CNTNAP2: variants seen among roughly 807,000 people sequenced by gnomAD.
The protein encoded by CNTNAP2 is contactin associated protein 2, also known as contactin-associated protein-like 2.
In CNTNAP2, 98 loss-of-function variants were observed where a neutral mutation model predicts 155.2. The ratio of observed to expected loss-of-function variants is 0.63; its 90% CI spans 0.54 to 0.75. The LOEUF (loss-of-function observed/expected upper bound fraction) is 0.75, where lower values mean the gene tolerates loss of function less well. Among genes scored for constraint, CNTNAP2 ranks in the 30% least tolerant of loss-of-function variants. The probability of loss-of-function intolerance (pLI) is 0.00; values close to 1 mark genes in which losing one functional copy is unlikely to be tolerated. For synonymous variants in CNTNAP2, 651 were observed against 631.2 expected (o/e 1.03, Z -0.47); for missense variants, 1,727 against 1,688.1 (o/e 1.02, Z -0.40).
At chr7:147,629,003 C>T (rs58786883) in intron 12 of CNTNAP2, among the ~76,000 whole-genome samples, 13,679 of 151,848 alleles carry the variant, frequency 0.09, 1,710 homozygotes, top group African/African-American at 0.26. Context: ...GAATTATTAC[C>T]AGACCTAAGA....
At chr7:146,951,203 C>A (rs1328468472) in intron 3 of CNTNAP2, among the ~76,000 whole-genome samples, 1 of 152,088 alleles carries the variant, frequency 6.6e-6, no homozygotes, top group East Asian at 1.9e-4. Flanking sequence ...AGCCCTTTGT[C>A]AGATGGATAG....
intron 21 of CNTNAP2, among the ~76,000 whole-genome samples, chr7:148,336,141 A>G (rs995346393): frequency 2.0e-5 from 3 of 152,198 alleles, no homozygotes; most frequent in Non-Finnish European, 4.4e-5. Context: ...TTTATGCTGG[A>G]TTTGAATCCA....
At chr7:147,565,315 G>A (rs957531894) in intron 12 of CNTNAP2, among the ~76,000 whole-genome samples, 1 of 152,164 alleles carries the variant, frequency 6.6e-6, no homozygotes, top group Non-Finnish European at 1.5e-5. Flanking sequence ...GGGAAAGGTG[G>A]GTGGGGGCAG....
intron 16 of CNTNAP2, among the ~76,000 whole-genome samples, chr7:148,143,311 A>G (rs1238438160): frequency 6.6e-6 from 1 of 152,208 alleles, no homozygotes; most frequent in African/African-American, 2.4e-5. Flanking sequence ...GTTACAATAA[A>G]AATGGCTTGA....
chr7:146,502,343 G>A (rs77375834), intron 1 of CNTNAP2, among the ~76,000 whole-genome samples: 12,727 of 149,772 alleles, frequency 0.085, 1,428 homozygotes, highest in African/African-American at 0.26. Context: ...GTGCCGCAAT[G>A]AACACAGGAG....
intron 3 of CNTNAP2, among the ~76,000 whole-genome samples, chr7:147,023,175 G>A (rs992239003): frequency 1.3e-5 from 2 of 152,044 alleles, no homozygotes; most frequent in Non-Finnish European, 1.5e-5. Context: ...AGATGAACAC[G>A]GGCACGGCAA....
At chr7:148,361,748 A>G (rs1175773981) in intron 21 of CNTNAP2, among the ~76,000 whole-genome samples, 1 of 152,234 alleles carries the variant, frequency 6.6e-6, no homozygotes, top group Non-Finnish European at 1.5e-5. Context: ...AAGACTGGGT[A>G]ATTTGTAAAG....
At chr7:146,961,949 G>C (rs1450627094) in intron 3 of CNTNAP2, among the ~76,000 whole-genome samples, 1 of 152,120 alleles carries the variant, frequency 6.6e-6, no homozygotes, top group Non-Finnish European at 1.5e-5. Context: ...AGGTCATAGA[G>C]AGACTTAGGC....
intron 1 of CNTNAP2, among the ~76,000 whole-genome samples, chr7:146,459,742 A>T (rs1004807004): frequency 9.9e-5 from 15 of 152,172 alleles, no homozygotes; most frequent in Non-Finnish European, 7.4e-5. Context: ...AGGCGGAGGC[A>T]GATGAATTGC....
chr7:148,331,594 A>ATGGACGGATGGAGTGGACGGATGGAG (rs1798014983), intron 21 of CNTNAP2, among the ~76,000 whole-genome samples: 1 of 10,684 alleles, frequency 9.4e-5, no homozygotes, highest in African/African-American at 4.4e-4. Flanking sequence ...GATGGATGGA[A>ATGGACGGATGGAGTGGACGGATGGAG]TGGATGGATG....
chr7:146,792,436 A>G (rs1221289302), intron 2 of CNTNAP2, among the ~76,000 whole-genome samples: 1 of 152,224 alleles, frequency 6.6e-6, no homozygotes, highest in Non-Finnish European at 1.5e-5. Context: ...CAAGATACCA[A>G]CATTGATCCC....
At chr7:146,755,954 A>C (rs1801988093) in intron 1 of CNTNAP2, among the ~76,000 whole-genome samples, 1 of 152,088 alleles carries the variant, frequency 6.6e-6, no homozygotes, top group Admixed American at 6.6e-5. Flanking sequence ...ATTTTCAATA[A>C]GTTTATGAAT....
chr7:146,780,307 T>C (rs1261782234), intron 2 of CNTNAP2, among the ~76,000 whole-genome samples: 1 of 152,016 alleles, frequency 6.6e-6, no homozygotes, highest in Non-Finnish European at 1.5e-5. Context: ...CCCTTCAGCC[T>C]CCTGAGTAGC....
intron 3 of CNTNAP2, among the ~76,000 whole-genome samples, chr7:147,034,985 G>GA (rs1554428006): frequency 2.6e-5 from 3 of 116,606 alleles, no homozygotes; most frequent in Non-Finnish European, 5.8e-5. Flanking sequence ...CCAGGGTGGA[G>GA]CCCCACCAGG....
chr7:147,951,423 C>A (rs1325807571), intron 14 of CNTNAP2, among the ~76,000 whole-genome samples: 1 of 152,138 alleles, frequency 6.6e-6, no homozygotes, highest in Non-Finnish European at 1.5e-5. Flanking sequence ...ATTGTCCAAA[C>A]CTCCGTATAA....
At chr7:147,015,334 C>G (rs138546883) in intron 3 of CNTNAP2, among the ~76,000 whole-genome samples, 5 of 152,162 alleles carry the variant, frequency 3.3e-5, no homozygotes, top group Admixed American at 2.0e-4. Context: ...TAGCACCTGT[C>G]TGACATTTCT....
At chr7:148,244,468 G>A (rs62472766) in intron 20 of CNTNAP2, among the ~76,000 whole-genome samples, 6,623 of 152,092 alleles carry the variant, frequency 0.044, 229 homozygotes, top group Non-Finnish European at 0.059. Flanking sequence ...TTTATTCATT[G>A]GAAAATATGT....
At chr7:147,741,533 G>A (rs1320830326) in intron 13 of CNTNAP2, among the ~76,000 whole-genome samples, 1 of 152,194 alleles carries the variant, frequency 6.6e-6, no homozygotes, top group African/African-American at 2.4e-5. Context: ...AGTTTAACCA[G>A]AAGTTAATAA....
intron 3 of CNTNAP2, among the ~76,000 whole-genome samples, chr7:147,027,779 C>T (rs1173886070): frequency 1.3e-5 from 2 of 152,126 alleles, no homozygotes; most frequent in East Asian, 3.9e-4. Context: ...GCAGGACCTC[C>T]AGCACCTGGG....
Sources: allele counts gnomAD v4.1 joint callset (sites outside exome capture counted in the v4.1 genomes callset), GRCh38; gene constraint gnomAD v4.1.1; transcripts MANE v1.5; gene names NCBI Gene and HGNC (gene_info 2026-07-23, HGNC 2026-07-21).